TASP1: variants seen among roughly 807,000 people sequenced by gnomAD.
TASP1 encodes threonine aspartase 1.
A neutral mutation model predicts 56.6 loss-of-function variants in TASP1; 16 were observed. The ratio of observed to expected loss-of-function variants is 0.28; its 90% confidence interval spans 0.19 to 0.43. TASP1 has a LOEUF of 0.43. Ranked by LOEUF, TASP1 falls within the 20% of genes least tolerant of loss-of-function variation. The pLI is 1.00. For synonymous variants in TASP1, 179 were observed against 184.2 expected (o/e 0.97, Z 0.23); for missense variants, 393 against 511.6 (o/e 0.77, Z 2.24).
intron 10 of TASP1, among the ~76,000 whole-genome samples, chr20:13,484,212 G>A (rs1300985019): frequency 1.3e-5 from 2 of 152,186 alleles, no homozygotes; most frequent in Non-Finnish European, 2.9e-5. Flanking sequence ...GTTGGTGGGA[G>A]TGTAAATTAG....
At position 13,625,172 on chromosome 20, in the gene TASP1, AT is replaced by A. The variant is rs762947791; in HGVS notation, c.213+12del. 3.6e-5 allele frequency: 58 copies of A among 1,595,288 alleles called. No homozygotes were observed. The highest frequency in any genetic ancestry group is 4.7e-5 in the Non-Finnish European group (55 of 1,171,870). On this transcript the variant is annotated intron_variant, in intron 3 of 13. Transcript: ENST00000337743. ...AAACTGCAATGCACAGATCATACAC[AT>A]TGTGTTCATACCTTCTGACAAGCTC...
the TASP1 span, among the ~76,000 whole-genome samples, chr20:13,258,061 T>G: frequency 6.6e-6 from 1 of 152,186 alleles, no homozygotes; most frequent in Admixed American, 6.5e-5. Flanking sequence ...CCAGATTTAA[T>G]GTATAGTGCC....
chr20:13,120,682 G>GA, the TASP1 span, among the ~76,000 whole-genome samples: 4 of 152,042 alleles, frequency 2.6e-5, no homozygotes, highest in South Asian at 2.1e-4. Flanking sequence ...AAAACAAGGA[G>GA]AAAAAAATGG....
At chr20:13,209,996 A>G in the TASP1 span, among the ~76,000 whole-genome samples, 2 of 152,162 alleles carry the variant, frequency 1.3e-5, no homozygotes, top group Non-Finnish European at 2.9e-5. Context: ...CTTGCAACCC[A>G]TCCCTGTCTA....
the TASP1 span, among the ~76,000 whole-genome samples, chr20:13,232,333 A>G: frequency 6.6e-6 from 1 of 152,172 alleles, no homozygotes; most frequent in Non-Finnish European, 1.5e-5. Context: ...CCAAGCAACC[A>G]CTGATCTGCC....
chr20:13,419,835 C>A (rs1318660711), intron 12 of TASP1, among the ~76,000 whole-genome samples: 1 of 152,204 alleles, frequency 6.6e-6, no homozygotes, highest in Non-Finnish European at 1.5e-5. Context: ...GCTCAACAGA[C>A]GCTCCACTGA....
At chr20:13,588,277 G>GA (rs1223572662) in intron 4 of TASP1, among the ~76,000 whole-genome samples, 70 of 123,990 alleles carry the variant, frequency 5.6e-4, no homozygotes, top group Admixed American at 1.4e-3. Flanking sequence ...AAGGAAGGAA[G>GA]GAAGGAAGGA....
the TASP1 span, among the ~76,000 whole-genome samples, chr20:13,353,098 G>C: frequency 1.3e-5 from 2 of 152,048 alleles, no homozygotes; most frequent in Non-Finnish European, 2.9e-5. Context: ...TAGTAGCCAG[G>C]CTTACTGGGC....
chr20:13,116,976 A>G, the TASP1 span, among the ~76,000 whole-genome samples: 3 of 152,226 alleles, frequency 2.0e-5, no homozygotes, highest in African/African-American at 7.2e-5. Flanking sequence ...GGTATTGAAC[A>G]AGAGGTCTCA....
At chr20:13,219,108 G>C in the TASP1 span, among the ~76,000 whole-genome samples, 48,449 of 151,992 alleles carry the variant, frequency 0.32, 8,018 homozygotes, top group African/African-American at 0.41. Flanking sequence ...TTTACATGTG[G>C]AGACTGTGTG....
chr20:13,228,205 T>G, the TASP1 span, among the ~76,000 whole-genome samples: 1 of 151,898 alleles, frequency 6.6e-6, no homozygotes, highest in East Asian at 2.0e-4. Context: ...ACTCTTCATC[T>G]CAGGTGATCT....
intron 3 of TASP1, among the ~76,000 whole-genome samples, chr20:13,623,982 T>G (rs2048802880): frequency 1.3e-5 from 2 of 152,164 alleles, no homozygotes; most frequent in African/African-American, 2.4e-5. Flanking sequence ...AAGCATACAT[T>G]TGACAAAAAC....
chr20:13,390,210 A>C lies in TASP1; in HGVS notation c.*150T>G. On this transcript the variant is annotated 3_prime_UTR_variant, in exon 14 of 14. Transcript: ENST00000337743. ...AAAGGCCCGCGTGTCACTAAGCGCT[A>C]ACTACAGCAGCACTTGTGTCTCGAG... is the stretch of plus-strand genomic sequence containing the variant. 1 of 674,016 alleles carries C rather than the reference A, an allele frequency of 1.5e-6. No individual in the cohort carries two copies. Among genetic ancestry groups the C allele is most frequent in the South Asian group, 1.8e-5 (1 of 54,772 alleles). The allele number at this position is 674,016 out of a possible 1,614,324, so 41.8% of individuals were successfully genotyped here. A position where few individuals can be genotyped will look rare whatever the true frequency, so the allele number is the denominator to read the frequency against.
At chr20:13,141,237 T>A in the TASP1 span, among the ~76,000 whole-genome samples, 1 of 152,240 alleles carries the variant, frequency 6.6e-6, no homozygotes, top group African/African-American at 2.4e-5. Flanking sequence ...TGCAAACTGT[T>A]GGGAGCTGCA....
the TASP1 span, among the ~76,000 whole-genome samples, chr20:13,135,117 C>T: frequency 2.0e-5 from 3 of 152,234 alleles, no homozygotes; most frequent in African/African-American, 4.8e-5. Flanking sequence ...GACAGAGATA[C>T]TGCCATTTCT....
the TASP1 span, among the ~76,000 whole-genome samples, chr20:13,153,536 C>A: frequency 6.6e-6 from 1 of 151,800 alleles, no homozygotes; most frequent in African/African-American, 2.4e-5. Context: ...ATGAAGGATC[C>A]TTTGATTAGA....
At chr20:13,306,855 T>C in the TASP1 span, among the ~76,000 whole-genome samples, 1 of 152,052 alleles carries the variant, frequency 6.6e-6, no homozygotes, top group East Asian at 1.9e-4. Context: ...AAGAACGAGG[T>C]GTCCCATGCT....
At position 13,545,856 on chromosome 20, in the gene TASP1, C is replaced by T. The variant is rs949102108; in HGVS notation, c.676-11715G>A. On this transcript the variant is annotated intron_variant, in intron 8 of 13. Coordinates refer to ENST00000337743, the MANE Select transcript of TASP1 (RefSeq NM_017714.3). ...AGGCCTCTGAACCCAGGACTTTTAT[C>T]TTTCTTTCTACCCAGACATATAAGT... Among the ~76,000 whole-genome samples, 4 of 152,218 alleles carry T rather than the reference C, an allele frequency of 2.6e-5. 1 individual carries two copies. The East Asian group carries it at 7.7e-4, about 29-fold the overall frequency.
chr20:13,402,880 T>C (rs2123662754), intron 13 of TASP1, among the ~76,000 whole-genome samples: 1 of 152,368 alleles, frequency 6.6e-6, no homozygotes, highest in African/African-American at 2.4e-5. Context: ...GAAGATTGCC[T>C]GTAATCAAGG....
Sources: gnomAD v4.1 joint callset for allele counts (sites outside exome capture counted in the v4.1 genomes callset) on GRCh38, gnomAD v4.1.1 for gene constraint, MANE v1.5 for transcripts, NCBI Gene and HGNC (gene_info 2026-07-23, HGNC 2026-07-21) for gene names.